PCDHGA1: variants seen among roughly 807,000 people sequenced by gnomAD.
PCDHGA1 encodes protocadherin gamma subfamily A, 1.
A neutral mutation model predicts 58.0 loss-of-function variants in PCDHGA1; 32 were observed. That is an observed-to-expected ratio of 0.55 (90% CI 0.42 to 0.74). The LOEUF (loss-of-function observed/expected upper bound fraction) is 0.74. Ranked by LOEUF, PCDHGA1 falls within the 30% of genes least tolerant of loss-of-function variation. PCDHGA1 has a pLI of 0.00. For synonymous variants in PCDHGA1, 498 were observed against 501.1 expected (o/e 0.99, Z 0.08); for missense variants, 1,205 against 1,182.3 (o/e 1.02, Z -0.28).
At chr5:141,352,186 G>A (rs767244296) in intron 1 of PCDHGA1, 3 of 1,613,870 alleles carry the variant, frequency 1.9e-6, no homozygotes, top group Non-Finnish European at 2.5e-6. Context: ...TGGTCGCTGT[G>A]CGTGATGGAG....
At position 141,330,773 on chromosome 5, in the gene PCDHGA1, A is replaced by G. The variant is rs561301644; in HGVS notation, c.89A>G (p.Asn30Ser). ...CTGCTGTTGGAAGCTGGGGCTGGGA[A>G]TATTCACTACTCAGTGCCGGAAGAG... is the stretch of plus-strand genomic sequence containing the variant. ...LELLLEAGAG[N>S]IHYSVPEETD... is the part of the protein sequence containing the mutation. Residue 30 changes from asparagine to serine, a missense_variant, in exon 1 of 4, where the codon AAT becomes AGT. By Grantham distance (46) the Asn-to-Ser change is conservative. Transcript: ENST00000517417. 2 of 1,614,226 alleles carry G rather than the reference A, an allele frequency of 1.2e-6. No individual in the cohort carries two copies. Among genetic ancestry groups the G allele is most frequent in the African/African-American group, 2.7e-5 (2 of 75,060 alleles).
intron 1 of PCDHGA1, chr5:141,343,705 A>C: frequency 4.6e-6 from 1 of 216,656 alleles, no homozygotes; most frequent in Non-Finnish European, 9.0e-6. Context: ...CTCTGACAAG[A>C]AGGATTTCAG....
intron 1 of PCDHGA1, chr5:141,371,114 A>G: frequency 6.2e-7 from 1 of 1,613,878 alleles, no homozygotes; most frequent in Non-Finnish European, 8.5e-7. Flanking sequence ...ATAACCCCCC[A>G]GTATTTACTC....
At chr5:141,427,707 T>C in intron 1 of PCDHGA1, 1 of 1,011,828 alleles carries the variant, frequency 9.9e-7, no homozygotes, top group Non-Finnish European at 1.5e-6. Context: ...AGTCAGCGCC[T>C]CTGACCTGGA....
intron 2 of PCDHGA1, among the ~76,000 whole-genome samples, chr5:141,502,472 A>G (rs1450967250): frequency 1.3e-5 from 2 of 150,886 alleles, no homozygotes; most frequent in Non-Finnish European, 2.9e-5. Flanking sequence ...TACTTCCCGC[A>G]GCATCACACT....
chr5:141,348,328 G>C (rs933861789), intron 1 of PCDHGA1, among the ~76,000 whole-genome samples: 1 of 152,170 alleles, frequency 6.6e-6, no homozygotes, highest in African/African-American at 2.4e-5. Flanking sequence ...GAATTTAAAA[G>C]GCCCATAGCC....
At chr5:141,439,727 C>G (rs940325016) in intron 1 of PCDHGA1, 2 of 152,406 alleles carry the variant, frequency 1.3e-5, no homozygotes, top group Non-Finnish European at 2.9e-5. Context: ...AAATTATAAG[C>G]AGGAACGGAA....
At chr5:141,358,490 C>A (rs552020096) in intron 1 of PCDHGA1, among the ~76,000 whole-genome samples, 3 of 152,260 alleles carry the variant, frequency 2.0e-5, no homozygotes, top group Admixed American at 2.0e-4. Context: ...TTAGATATAA[C>A]TTTAACAGGA....
intron 1 of PCDHGA1, chr5:141,397,846 A>C: frequency 1.9e-6 from 1 of 528,462 alleles, no homozygotes; most frequent in South Asian, 3.1e-5. Flanking sequence ...GAAGCCGCAG[A>C]GGCTGTAGTT....
intron 1 of PCDHGA1, among the ~76,000 whole-genome samples, chr5:141,456,854 T>C (rs924765803): frequency 7.2e-5 from 11 of 151,950 alleles, no homozygotes; most frequent in Non-Finnish European, 1.3e-4. Context: ...TCCCAGCTAA[T>C]TGGGAGGCTG....
At chr5:141,478,483 G>A in intron 1 of PCDHGA1, 13 of 1,613,548 alleles carry the variant, frequency 8.1e-6, no homozygotes, top group Non-Finnish European at 1.1e-5. Flanking sequence ...AGAACACGCT[G>A]CGGAGCTGTG....
In PCDHGA1 at chr5:141,476,585, G is replaced by C; in HGVS notation, c.2422-18222G>C. 6.2e-7 allele frequency: 1 copy of C among 1,614,214 alleles called. No homozygotes were observed. The highest frequency in any genetic ancestry group is 8.5e-7 in the Non-Finnish European group (1 of 1,180,040). On this transcript the variant is annotated intron_variant, in intron 1 of 3. Coordinates refer to ENST00000517417, the MANE Select transcript of PCDHGA1 (RefSeq NM_018912.3). The surrounding 1 kb of genome is among the most constrained non-coding windows in gnomAD (Gnocchi z 7.6). ...GGCTCCGGGGACGCGCTTTCCGCTC[G>C]AGAGCGCGCACGATCCCGATGTGGG...
intron 1 of PCDHGA1, among the ~76,000 whole-genome samples, chr5:141,451,719 TA>T (rs2098722539): frequency 6.6e-6 from 1 of 152,016 alleles, no homozygotes; most frequent in Non-Finnish European, 1.5e-5. Flanking sequence ...CTGCCTCTAC[TA>T]AAAATACAAA....
At chr5:141,455,860 ATTATTTAT>A (rs145569377) in intron 1 of PCDHGA1, among the ~76,000 whole-genome samples, 26,605 of 139,696 alleles carry the variant, frequency 0.19, 2,610 homozygotes, top group Middle Eastern at 0.23. Context: ...AATTTCTTTT[ATTATTTAT>A]TTATTTATTT....
chr5:141,341,465 T>C (rs745864721), intron 1 of PCDHGA1: 11 of 1,593,780 alleles, frequency 6.9e-6, no homozygotes, highest in Non-Finnish European at 9.4e-6. Flanking sequence ...GTTTACTATA[T>C]CTATTTTGTT....
intron 1 of PCDHGA1, chr5:141,346,526 C>T (rs1757767070): frequency 1.9e-6 from 3 of 1,582,088 alleles, no homozygotes; most frequent in Non-Finnish European, 2.6e-6. Flanking sequence ...AGCTTTAACA[C>T]ATATGTATTT....
chr5:141,351,124 C>T, intron 1 of PCDHGA1: 1 of 1,614,048 alleles, frequency 6.2e-7, no homozygotes. Context: ...CCAGCCTCTT[C>T]AATCTCAATC....
chr5:141,497,740 C>G (rs954595046), intron 2 of PCDHGA1, among the ~76,000 whole-genome samples: 9 of 152,054 alleles, frequency 5.9e-5, no homozygotes, highest in African/African-American at 2.2e-4. Context: ...GGTTTCGCCA[C>G]GTTGGCCAGG....
At chr5:141,500,167 A>C (rs976308963) in intron 2 of PCDHGA1, among the ~76,000 whole-genome samples, 1 of 150,656 alleles carries the variant, frequency 6.6e-6, no homozygotes, top group African/African-American at 2.4e-5. Context: ...AAGAACATGC[A>C]TGAGCTTCAT....
Sources: gnomAD v4.1 joint callset for allele counts (sites outside exome capture counted in the v4.1 genomes callset) on GRCh38, gnomAD v4.1.1 for gene constraint, Gnocchi (gnomAD v3.1) non-coding constraint, MANE v1.5 for transcripts, NCBI Gene and HGNC (gene_info 2026-07-23, HGNC 2026-07-21) for gene names.